TMEM139: variants seen among roughly 807,000 people sequenced by gnomAD.
TMEM139 encodes the protein transmembrane protein 139.
TMEM139 carries 9 observed loss-of-function variants against 15.9 expected under a neutral mutation model. That is an observed-to-expected ratio of 0.57 (90% confidence interval 0.34 to 0.99). The LOEUF (loss-of-function observed/expected upper bound fraction) is 0.99. TMEM139 is among the 50% of genes least tolerant of loss of function. The probability of loss-of-function intolerance (pLI) is 0.02; values close to 1 mark genes in which losing one functional copy is unlikely to be tolerated. For synonymous variants in TMEM139, 95 were observed against 110.5 expected (o/e 0.86, Z 0.88); for missense variants, 270 against 267.7 (o/e 1.01, Z -0.06).
intron 2 of TMEM139, 48 bp downstream of exon 2, chr7:143,286,250 C>T (rs749280980): frequency 6.2e-7 from 1 of 1,606,716 alleles, no homozygotes; most frequent in South Asian, 1.1e-5. Context: ...TGGGCCCATC[C>T]TCCCTCTCTC....
chr7:143,286,752 C>A lies in TMEM139; in HGVS notation c.574C>A (p.Pro192Thr), dbSNP rs1240125331. ...CCCCACATTAGAGCCTCTGACTCCA[C>A]CCCCTGCCTATGATGTCTGCTTTGG... ...AVPTLEPLTP[P>T]PAYDVCFGHP... Residue 192 changes from proline (P) to threonine (T), a missense_variant, in exon 3 of 3, where the codon CCC (proline) becomes ACC (threonine). Coordinates refer to ENST00000359333, the MANE Select transcript of TMEM139 (RefSeq NM_001282876.2). 6.2e-7 allele frequency: 1 copy of A among 1,614,130 alleles called. No individual in the cohort carries two copies. The highest frequency in any genetic ancestry group is 8.5e-7 in the Non-Finnish European group (1 of 1,180,008).
In TMEM139 at chr7:143,288,046, C is replaced by A; in HGVS notation, c.*1217C>A. On this transcript the variant is annotated 3_prime_UTR_variant, in exon 3 of 3. Coordinates refer to ENST00000359333, the MANE Select transcript of TMEM139 (RefSeq NM_001282876.2). ...CAACTTCAATAAAGCAAAACTCCAG[C>A]CACGCCCGTCTCCGTGAAGTTATCG... 4.3e-6 allele frequency: 1 copy of A among 231,610 alleles called. No homozygotes were observed. The highest frequency in any genetic ancestry group is 8.6e-6 in the Non-Finnish European group (1 of 116,176). The allele number at this position is 231,610 out of a possible 1,614,324, so 14.3% of individuals were successfully genotyped here.
In TMEM139 at chr7:143,286,066, C is replaced by G. The variant is rs779366702; in HGVS notation, c.109C>G (p.Pro37Ala). ...ALLGIKTDIT[P>A]VAYFFLTLGG... ...GCTGGGCATAAAGACGGACATCACC[C>G]CCGTTGCTTATTTCTTTCTCACATT... The change falls in exon 2 of 3, where the codon CCC becomes GCC. Residue 37 changes from proline to alanine, a missense_variant. Coordinates refer to ENST00000359333, the MANE Select transcript of TMEM139 (RefSeq NM_001282876.2). 1 of 1,614,154 alleles carries G rather than the reference C, an allele frequency of 6.2e-7. No homozygotes were observed. The highest frequency in any genetic ancestry group is 8.5e-7 in the Non-Finnish European group (1 of 1,180,042).
rs1801304925 is a variant in TMEM139 at position 143,286,344 on chromosome 7, T to G, written c.246-80T>G. The G allele has an allele frequency of 1.3e-5, 20 of 1,529,478 alleles. No individual in the cohort carries two copies. In the South Asian group the frequency reaches 2.6e-4, roughly 20 times the overall value. 94.7% of individuals were successfully genotyped at this position (1,529,478 alleles called of 1,614,324 possible). A position where few individuals can be genotyped will look rare whatever the true frequency, so the allele number is the denominator to read the frequency against. On this transcript the variant is annotated intron_variant, in intron 2 of 2. Coordinates refer to ENST00000359333, the MANE Select transcript of TMEM139 (RefSeq NM_001282876.2). ...GGGGTCAGAGGCCAACAGAGGATCT[T>G]TTGCCCACAGCAGACAAAAAAAAGG... is the stretch of plus-strand genomic sequence containing the variant.
chr7:143,287,592 T>TCC lies in TMEM139; in HGVS notation c.*766_*767dup, dbSNP rs1474055842. The TCC allele has an allele frequency of 6.6e-6, 1 of 152,210 alleles. No individual in the cohort carries two copies. Among genetic ancestry groups the TCC allele is most frequent in the African/African-American group, 2.4e-5 (1 of 41,422 alleles). The allele number at this position is 152,210 out of a possible 1,614,324, so 9.4% of individuals were successfully genotyped here. A position where few individuals can be genotyped will look rare whatever the true frequency, so the allele number is the denominator to read the frequency against. ...CTAGAGAGCAGTCTCCAGTGCAGGG[T>TCC]CCCCATCCTATCTGAAAACAGTGGA... On this transcript the variant is annotated 3_prime_UTR_variant, in exon 3 of 3. Transcript: ENST00000359333.
Position 143,286,980 on chromosome 7 carries a change from G to GC in TMEM139, c.*154dup. On this transcript the variant is annotated 3_prime_UTR_variant, in exon 3 of 3. Coordinates refer to ENST00000359333, the MANE Select transcript of TMEM139 (RefSeq NM_001282876.2). Reference sequence around the variant, plus strand: ...CCTGAGGAGAGTCAGGCCACGGTAAGCCCTTCCCAGCTGAGATATGGGTGG... The same window carrying GC: ...CCTGAGGAGAGTCAGGCCACGGTAAGCCCCTTCCCAGCTGAGATATGGGTGG... The GC allele has an allele frequency of 1.1e-6, 1 of 879,412 alleles. No individual in the cohort carries two copies. The highest frequency in any genetic ancestry group is 1.7e-6 in the Non-Finnish European group (1 of 582,462). 54.5% of individuals were successfully genotyped at this position (879,412 alleles called of 1,614,324 possible).
In TMEM139 at chr7:143,287,782, T is replaced by G. The variant is rs902436654; in HGVS notation, c.*953T>G. On this transcript the variant is annotated 3_prime_UTR_variant, in exon 3 of 3. Coordinates refer to ENST00000359333, the MANE Select transcript of TMEM139 (RefSeq NM_001282876.2). ...GAGTCTCTAACAGCTTCTGCCTCACTCCTAAGCTCTGACCGCTAGGCTTTC... is the reference window on the plus strand; with the variant it reads ...GAGTCTCTAACAGCTTCTGCCTCACGCCTAAGCTCTGACCGCTAGGCTTTC... 6.6e-6 allele frequency: 1 copy of G among 152,278 alleles called. No individual in the cohort carries two copies. The highest frequency in any genetic ancestry group is 1.5e-5 in the Non-Finnish European group (1 of 68,068). The allele number at this position is 152,278 out of a possible 1,614,324, so 9.4% of individuals were successfully genotyped here. A position where few individuals can be genotyped will look rare whatever the true frequency, so the allele number is the denominator to read the frequency against.
In TMEM139 at chr7:143,286,419, C is replaced by T. The variant is rs1270863708; in HGVS notation, c.246-5C>T. 6.6e-7 allele frequency: 1 copy of T among 1,524,588 alleles called. No individual in the cohort carries two copies. Among genetic ancestry groups the T allele is most frequent in the African/African-American group, 1.4e-5 (1 of 71,824 alleles). The allele number at this position is 1,524,588 out of a possible 1,614,324, so 94.4% of individuals were successfully genotyped here. A position where few individuals can be genotyped will look rare whatever the true frequency, so the allele number is the denominator to read the frequency against. On this transcript the variant is annotated splice_region_variant and splice_polypyrimidine_tract_variant and intron_variant, in intron 2 of 2. Coordinates refer to ENST00000359333, the MANE Select transcript of TMEM139 (RefSeq NM_001282876.2). The stretch of plus-strand genomic sequence containing the variant: ...CCACCAATGGCCTTATTTCTCTTCC[C>T]TCAGGGACAATGAAGCCTTTGAAGT...
rs182806725 is a variant in TMEM139 at position 143,286,575 on chromosome 7, G to T, written c.397G>T (p.Gly133Trp). The change falls in exon 3 of 3, where the codon GGG becomes TGG. Residue 133 changes from glycine (G) to tryptophan (W), a missense_variant. Transcript: ENST00000359333. ...PEEEQPSHPE[G>W]SRRAKLEQRR... is the part of the protein sequence containing the mutation. Reference sequence around the variant, plus strand: ...GGAGGAACAACCTAGCCATCCAGAGGGGTCCAGGAGAGCCAAACTGGAACA... The same window carrying T: ...GGAGGAACAACCTAGCCATCCAGAGTGGTCCAGGAGAGCCAAACTGGAACA... The T allele has an allele frequency of 1.2e-6, 2 of 1,613,926 alleles. No individual in the cohort carries two copies. The highest frequency in any genetic ancestry group is 1.7e-6 in the Non-Finnish European group (2 of 1,179,970).
Position 143,285,956 on chromosome 7 carries a change from C to A in TMEM139, c.-2C>A. 1 of 1,614,094 alleles carries A rather than the reference C, an allele frequency of 6.2e-7. No individual in the cohort carries two copies. Among genetic ancestry groups the A allele is most frequent in the East Asian group, 2.2e-5 (1 of 44,882 alleles). ...CTTTTTGCAGGAGCCTGGGGAGGGGCCATGGTGCCAATGCACTTACTGGGG... is the reference window on the plus strand; with the variant it reads ...CTTTTTGCAGGAGCCTGGGGAGGGGACATGGTGCCAATGCACTTACTGGGG... On this transcript the variant is annotated 5_prime_UTR_variant, in exon 2 of 3. Transcript: ENST00000359333.
rs775684317 is a variant in TMEM139 at position 143,286,697 on chromosome 7, T to C, written c.519T>C (p.Thr173=). 3 of 1,614,104 alleles carry C rather than the reference T, an allele frequency of 1.9e-6. No homozygotes were observed. Among genetic ancestry groups the C allele is most frequent in the Admixed American group, 3.3e-5 (2 of 60,002 alleles). Residue 173 remains threonine (T), a synonymous_variant, in exon 3 of 3, where the codon ACT becomes ACC. Coordinates refer to ENST00000359333, the MANE Select transcript of TMEM139 (RefSeq NM_001282876.2). ...TTCGGGGACCACGGGCTGTGTCCACTGCTCCTGATCTGCAGAGCTTGGCGG... is the reference window on the plus strand; with the variant it reads ...TTCGGGGACCACGGGCTGTGTCCACCGCTCCTGATCTGCAGAGCTTGGCGG... ...LRLRGPRAVS[T]APDLQSLAAV...
In TMEM139 at chr7:143,286,905, G is replaced by A; in HGVS notation, c.*76G>A. ...ACTAACATTTTCCAGCGCCTACTATGTGTCAGAAACAAGTGTTTCTGCCTG... is the reference window on the plus strand; with the variant it reads ...ACTAACATTTTCCAGCGCCTACTATATGTCAGAAACAAGTGTTTCTGCCTG... On this transcript the variant is annotated 3_prime_UTR_variant, in exon 3 of 3. Transcript: ENST00000359333. 1 of 1,467,794 alleles carries A rather than the reference G, an allele frequency of 6.8e-7. No homozygotes were observed. The highest frequency in any genetic ancestry group is 1.3e-5 in the South Asian group (1 of 74,074). The allele number at this position is 1,467,794 out of a possible 1,614,324, so 90.9% of individuals were successfully genotyped here.
chr7:143,286,362 A>G, intron 2 of TMEM139, 62 bp from the exon 3 acceptor site: 2 of 1,523,238 alleles, frequency 1.3e-6, no homozygotes, highest in Non-Finnish European at 1.8e-6. Context: ...CAGCAGACAA[A>G]AAAAAGGGAA....
chr7:143,286,295 C>T, intron 2 of TMEM139, 93 bp downstream of exon 2: 2 of 1,572,788 alleles, frequency 1.3e-6, no homozygotes, highest in Non-Finnish European at 8.6e-7. Flanking sequence ...CTCTGGTTTC[C>T]TGTCATTGGC....
In TMEM139 at chr7:143,286,623, T is replaced by C; in HGVS notation, c.445T>C (p.Ser149Pro). 6.2e-7 allele frequency: 1 copy of C among 1,613,402 alleles called. No homozygotes were observed. The highest frequency in any genetic ancestry group is 8.5e-7 in the Non-Finnish European group (1 of 1,179,890). Residue 149 changes from serine (S) to proline (P), a missense_variant, in exon 3 of 3, where the codon TCC becomes CCC. Physicochemically the swap from Ser to Pro is moderately conservative, Grantham distance 74 (BLOSUM62 -1). Transcript: ENST00000359333. ...ACAGAGGCGAATGGCCTCAGAGGGGTCCATGGCCCAGGAAGGAAGCCCTGG... is the reference window on the plus strand; with the variant it reads ...ACAGAGGCGAATGGCCTCAGAGGGGCCCATGGCCCAGGAAGGAAGCCCTGG... The part of the protein sequence containing the change: ...LEQRRMASEG[S>P]MAQEGSPGRA...
chr7:143,285,666 C>T, intron 1 of TMEM139: 1 of 435,246 alleles, frequency 2.3e-6, no homozygotes, highest in Non-Finnish European at 4.2e-6. Flanking sequence ...GGAAGGGAGA[C>T]TACAGGGAAG....
At chr7:143,285,723 G>A in intron 1 of TMEM139, 1 of 573,812 alleles carries the variant, frequency 1.7e-6, no homozygotes, top group Non-Finnish European at 3.1e-6. Flanking sequence ...CTTACAGAAT[G>A]GCTGGGAGTC....
chr7:143,284,935 A>C (rs888451022), upstream of TMEM139: 2 of 151,362 alleles, frequency 1.3e-5, no homozygotes, highest in South Asian at 2.1e-4. Flanking sequence ...CCTTCCCACC[A>C]CCCCCCACCC....
rs1246766383 is a variant in TMEM139 at position 143,287,807 on chromosome 7, C to A, written c.*978C>A. On this transcript the variant is annotated 3_prime_UTR_variant, in exon 3 of 3. Coordinates refer to ENST00000359333, the MANE Select transcript of TMEM139 (RefSeq NM_001282876.2). ...TCCTAAGCTCTGACCGCTAGGCTTT[C>A]ACCCCAGCCGCCGGTCCTGATTCCT... The A allele has an allele frequency of 2.0e-5, 3 of 152,474 alleles. No individual in the cohort carries two copies. The East Asian group carries it at 5.8e-4, about 29-fold the overall frequency. 9.4% of individuals were successfully genotyped at this position (152,474 alleles called of 1,614,324 possible).
Sources: allele counts gnomAD v4.1 joint callset, GRCh38; gene constraint gnomAD v4.1.1; transcripts MANE v1.5; gene names NCBI Gene and HGNC (gene_info 2026-07-23, HGNC 2026-07-21).